Variants in ATP6V1G2 observed in about 807,000 individuals in gnomAD.
ATP6V1G2 encodes ATPase H+ transporting V1 subunit G2, also known as V-type proton ATPase subunit G 2.
In ATP6V1G2, 14 loss-of-function variants were observed where a neutral mutation model predicts 17.8. That is an observed-to-expected ratio of 0.79 (90% CI 0.52 to 1.23). ATP6V1G2 has a LOEUF of 1.23. Ranked by LOEUF, ATP6V1G2 falls within the 50% of genes most tolerant of loss-of-function variation. ATP6V1G2 has a pLI of 0.00. For synonymous variants in ATP6V1G2, 57 were observed against 54.8 expected (o/e 1.04, Z -0.17); for missense variants, 112 against 152.2 (o/e 0.74, Z 1.39).
chr6:31,545,419 TC>T lies in ATP6V1G2; in HGVS notation c.345del (p.Ile116PhefsTer30), dbSNP rs764133123. The stretch of plus-strand genomic sequence containing the variant: ...GCCCTACGGTGGCCCTAGGCAGAAA[TC>T]CGGTAGTTGGGGTGGACCTGGGGCC... ...DVRPQVHPNY[R>X]ISA On this transcript the variant is annotated frameshift_variant, in exon 3 of 3. Transcript: ENST00000303892. LOFTEE classifies it high-confidence loss of function. This position sits in a 1 kb window ranked among gnomAD's most constrained non-coding sequence, Gnocchi z 4.9. 14 of 1,613,648 alleles carry T rather than the reference TC, an allele frequency of 8.7e-6. 1 individual carries two copies. In the South Asian group the frequency reaches 1.5e-4, roughly 18 times the overall value.
In ATP6V1G2 at chr6:31,545,802, C is replaced by T. The variant is rs1768932233; in HGVS notation, c.184-221G>A. The T allele has an allele frequency of 1.6e-6, 1 of 620,904 alleles. No homozygotes were observed. The highest frequency in any genetic ancestry group is 2.8e-6 in the Non-Finnish European group (1 of 355,476). 38.5% of individuals were successfully genotyped at this position (620,904 alleles called of 1,614,324 possible). ...TTCATCCTAAAACAGACCGTAATAT[C>T]CCCACCACCTCACCATCCATGACCA... On this transcript the variant is annotated intron_variant, in intron 2 of 2. Transcript: ENST00000303892. The surrounding 1 kb of genome is among the most constrained non-coding windows in gnomAD (Gnocchi z 4.9).
upstream of ATP6V1G2, chr6:31,546,643 C>G: frequency 7.7e-7 from 1 of 1,293,096 alleles, no homozygotes; most frequent in East Asian, 2.3e-5. The surrounding 1 kb of genome is among the most constrained non-coding windows in gnomAD (Gnocchi z 4.1). Context: ...TCTCCTCCTC[C>G]AGCTCGTTGC....
At position 31,545,517 on chromosome 6, in the gene ATP6V1G2, C is replaced by T; in HGVS notation, c.248G>A (p.Gly83Asp). 3 of 1,614,062 alleles carry T rather than the reference C, an allele frequency of 1.9e-6. No individual in the cohort carries two copies. Among genetic ancestry groups the T allele is most frequent in the Non-Finnish European group, 2.5e-6 (3 of 1,180,002 alleles). ...GTTTCTCTGCTGGGAGCTCTGCATG[C>T]CCTGCACCTGGCGCCTTGTAGCCTG... Reference protein sequence around the residue: ...VEQATRRQVQGMQSSQQRNRE... With the variant: ...VEQATRRQVQDMQSSQQRNRE... Residue 83 changes from glycine (G) to aspartate (D), a missense_variant, in exon 3 of 3, where the codon GGC becomes GAC. Coordinates refer to ENST00000303892, the MANE Select transcript of ATP6V1G2 (RefSeq NM_130463.4). The surrounding 1 kb of genome is among the most constrained non-coding windows in gnomAD (Gnocchi z 4.9).
In ATP6V1G2 at chr6:31,546,262, G is replaced by A; in HGVS notation, c.83-53C>T. On this transcript the variant is annotated intron_variant, in intron 1 of 2. Transcript: ENST00000303892. This position sits in a 1 kb window ranked among gnomAD's most constrained non-coding sequence, Gnocchi z 4.1. ...GGGGATGGACCCACACACACACAAT[G>A]TAATAGCAGGAGTCAGTCCCTTCCA... 6.6e-7 allele frequency: 1 copy of A among 1,512,758 alleles called. No individual in the cohort carries two copies. The highest frequency in any genetic ancestry group is 9.2e-7 in the Non-Finnish European group (1 of 1,090,672). The allele number at this position is 1,512,758 out of a possible 1,614,324, so 93.7% of individuals were successfully genotyped here.
Position 31,545,055 on chromosome 6 carries a change from T to C in ATP6V1G2, c.*353A>G, listed in dbSNP as rs987551279. Reference sequence around the variant, plus strand: ...CATCGAGGCTACCAAGTTAAGTAGCTTGTCCTGGTTTCACAGCCAGCAAGT... The same window carrying C: ...CATCGAGGCTACCAAGTTAAGTAGCCTGTCCTGGTTTCACAGCCAGCAAGT... On this transcript the variant is annotated 3_prime_UTR_variant, in exon 3 of 3. Transcript: ENST00000303892. This position sits in a 1 kb window ranked among gnomAD's most constrained non-coding sequence, Gnocchi z 4.9. 7.0e-6 allele frequency: 3 copies of C among 429,610 alleles called. No homozygotes were observed. Among genetic ancestry groups the C allele is most frequent in the Admixed American group, 3.8e-5 (1 of 26,078 alleles). 26.6% of individuals were successfully genotyped at this position (429,610 alleles called of 1,614,324 possible).
rs1768803510 is a variant in ATP6V1G2 at position 31,544,555 on chromosome 6, G to A, written c.*853C>T. On this transcript the variant is annotated 3_prime_UTR_variant, in exon 3 of 3. Coordinates refer to ENST00000303892, the MANE Select transcript of ATP6V1G2 (RefSeq NM_130463.4). ...ATATAGAAAGGAAGGGCATGCATATGAGGGAACACAGTATCATTTTAGATC... is the reference window on the plus strand; with the variant it reads ...ATATAGAAAGGAAGGGCATGCATATAAGGGAACACAGTATCATTTTAGATC... The A allele has an allele frequency of 2.8e-6, 1 of 360,790 alleles. No homozygotes were observed. Among genetic ancestry groups the A allele is most frequent in the African/African-American group, 2.1e-5 (1 of 46,850 alleles). 22.3% of individuals were successfully genotyped at this position (360,790 alleles called of 1,614,324 possible).
At chr6:31,546,634 C>T, upstream of ATP6V1G2, 1 of 1,380,168 alleles carries the variant, frequency 7.2e-7, no homozygotes, top group Non-Finnish European at 1.0e-6. The surrounding 1 kb of genome is among the most constrained non-coding windows in gnomAD (Gnocchi z 4.1). Context: ...CCGCTTACTT[C>T]TCCTCCTCCA....
At position 31,545,288 on chromosome 6, in the gene ATP6V1G2, C is replaced by T. The variant is rs1303177607; in HGVS notation, c.*120G>A. The T allele has an allele frequency of 8.2e-7, 1 of 1,217,876 alleles. No homozygotes were observed. Among genetic ancestry groups the T allele is most frequent in the Non-Finnish European group, 1.1e-6 (1 of 881,282 alleles). The allele number at this position is 1,217,876 out of a possible 1,614,324, so 75.4% of individuals were successfully genotyped here. A position where few individuals can be genotyped will look rare whatever the true frequency, so the allele number is the denominator to read the frequency against. On this transcript the variant is annotated 3_prime_UTR_variant, in exon 3 of 3. Coordinates refer to ENST00000303892, the MANE Select transcript of ATP6V1G2 (RefSeq NM_130463.4). The surrounding 1 kb of genome is among the most constrained non-coding windows in gnomAD (Gnocchi z 4.9). The stretch of plus-strand genomic sequence containing the variant: ...AGTGTCACAGGAAAATTATTGGATC[C>T]TGCCTCCCAGGATTTCTAGGGGATG...
rs1413146160 is a variant in ATP6V1G2 at position 31,545,665 on chromosome 6, GAAAC to G, written c.184-88_184-85del. 2.6e-5 allele frequency: 37 copies of G among 1,440,106 alleles called. No individual in the cohort carries two copies. Among genetic ancestry groups the G allele is most frequent in the Non-Finnish European group, 3.4e-5 (37 of 1,074,642 alleles). 89.2% of individuals were successfully genotyped at this position (1,440,106 alleles called of 1,614,324 possible). On this transcript the variant is annotated intron_variant, in intron 2 of 2. Transcript: ENST00000303892. This position sits in a 1 kb window ranked among gnomAD's most constrained non-coding sequence, Gnocchi z 4.9. ...CCAGGCATATGAGGGGAAAGATCCT[GAAAC>G]AAAGCCTAGAAGAAAGGCCCTCTCA... is the stretch of plus-strand genomic sequence containing the variant.
Position 31,545,367 on chromosome 6 carries a change from A to T in ATP6V1G2, c.*41T>A. 6.3e-7 allele frequency: 1 copy of T among 1,591,084 alleles called. No individual in the cohort carries two copies. The highest frequency in any genetic ancestry group is 1.1e-5 in the South Asian group (1 of 88,800). On this transcript the variant is annotated 3_prime_UTR_variant, in exon 3 of 3. Coordinates refer to ENST00000303892, the MANE Select transcript of ATP6V1G2 (RefSeq NM_130463.4). This position sits in a 1 kb window ranked among gnomAD's most constrained non-coding sequence, Gnocchi z 4.9. ...TGATTTTGATTGGAGGATTTCTTTG[A>T]GGGAGGGAACTGGCAGAAGGAGTCA...
upstream of ATP6V1G2, chr6:31,546,715 G>C: frequency 3.1e-6 from 2 of 644,454 alleles, no homozygotes; most frequent in Non-Finnish European, 5.5e-6. The surrounding 1 kb of genome is among the most constrained non-coding windows in gnomAD (Gnocchi z 4.1). Context: ...CCTGCACCGA[G>C]TGTCTCTCCC....
chr6:31,546,396 C>T lies in ATP6V1G2; in HGVS notation c.82+82G>A. On this transcript the variant is annotated intron_variant, in intron 1 of 2. Coordinates refer to ENST00000303892, the MANE Select transcript of ATP6V1G2 (RefSeq NM_130463.4). The surrounding 1 kb of genome is among the most constrained non-coding windows in gnomAD (Gnocchi z 4.1). ...CCCTAGCTGTCTGTCTTCCCGCCAG[C>T]CTTGGGTTTTCCCAAAATGTTTGCT... 1.4e-6 allele frequency: 2 copies of T among 1,451,302 alleles called. No homozygotes were observed. The highest frequency in any genetic ancestry group is 1.9e-6 in the Non-Finnish European group (2 of 1,047,860). The allele number at this position is 1,451,302 out of a possible 1,614,324, so 89.9% of individuals were successfully genotyped here.
Position 31,545,252 on chromosome 6 carries a change from G to A in ATP6V1G2, c.*156C>T, listed in dbSNP as rs564508267. 83 of 861,532 alleles carry A rather than the reference G, an allele frequency of 9.6e-5. No homozygotes were observed. In the South Asian group the frequency reaches 1.1e-3, roughly 11 times the overall value. The allele number at this position is 861,532 out of a possible 1,614,324, so 53.4% of individuals were successfully genotyped here. A position where few individuals can be genotyped will look rare whatever the true frequency, so the allele number is the denominator to read the frequency against. On this transcript the variant is annotated 3_prime_UTR_variant, in exon 3 of 3. Transcript: ENST00000303892. This position sits in a 1 kb window ranked among gnomAD's most constrained non-coding sequence, Gnocchi z 4.9. ...CAACAAGGAGATTCAGATGTGAGCA[G>A]GATATTTATAAGTGTCACAGGAAAA...
chr6:31,546,017 C>G lies in ATP6V1G2; in HGVS notation c.183+92G>C. 7.8e-7 allele frequency: 1 copy of G among 1,284,780 alleles called. No individual in the cohort carries two copies. The highest frequency in any genetic ancestry group is 1.7e-5 in the Admixed American group (1 of 59,340). The allele number at this position is 1,284,780 out of a possible 1,614,324, so 79.6% of individuals were successfully genotyped here. A position where few individuals can be genotyped will look rare whatever the true frequency, so the allele number is the denominator to read the frequency against. On this transcript the variant is annotated intron_variant, in intron 2 of 2. Transcript: ENST00000303892. This position sits in a 1 kb window ranked among gnomAD's most constrained non-coding sequence, Gnocchi z 4.1. ...TCCCCTCAGCCTCAGCCCTCTGCCA[C>G]CATATTTTCTTGTTGAGTCACCCTT...
Position 31,545,899 on chromosome 6 carries a change from A to AT in ATP6V1G2, c.183+209dup. On this transcript the variant is annotated intron_variant, in intron 2 of 2. Transcript: ENST00000303892. This position sits in a 1 kb window ranked among gnomAD's most constrained non-coding sequence, Gnocchi z 4.9. ...TGTTATACTTTACACAGACTGTGGC[A>AT]TTCCGCCCACAAGCTCTATGTGGCC... is the stretch of plus-strand genomic sequence containing the variant. 1 of 621,540 alleles carries AT rather than the reference A, an allele frequency of 1.6e-6. No homozygotes were observed. 38.5% of individuals were successfully genotyped at this position (621,540 alleles called of 1,614,324 possible).
rs201901212 is a variant in ATP6V1G2, at chr6:31,546,170, T to C, written c.122A>G (p.Gln41Arg). ...RRLKQAKEEA[Q>R]MEVEQYRRER... is the part of the protein sequence containing the mutation. ...TCTGCGGTATTGCTCCACCTCCATC[T>C]GTGCCTCCTCCTTTGCCTGCTTCAG... is the stretch of plus-strand genomic sequence containing the variant. Residue 41 changes from glutamine to arginine, a missense_variant, in exon 2 of 3, where the codon CAG (glutamine) becomes CGG (arginine). Transcript: ENST00000303892. The surrounding 1 kb of genome is among the most constrained non-coding windows in gnomAD (Gnocchi z 4.1). The C allele has an allele frequency of 2.7e-5, 44 of 1,614,124 alleles. No homozygotes were observed. In the Admixed American group the frequency reaches 4.2e-4, roughly 15 times the overall value.
chr6:31,546,594 GT>G lies in ATP6V1G2; in HGVS notation c.-36del. The G allele has an allele frequency of 6.3e-7, 1 of 1,594,734 alleles. No homozygotes were observed. Among genetic ancestry groups the G allele is most frequent in the Non-Finnish European group, 8.6e-7 (1 of 1,164,806 alleles). ...TATGGCCGATGCTGTTTTGAATGCT[GT>G]CAAAGTACCAGATGGCTCCCACCCC... On this transcript the variant is annotated 5_prime_UTR_variant, in exon 1 of 3. Coordinates refer to ENST00000303892, the MANE Select transcript of ATP6V1G2 (RefSeq NM_130463.4). The surrounding 1 kb of genome is among the most constrained non-coding windows in gnomAD (Gnocchi z 4.1).
In ATP6V1G2 at chr6:31,546,000, G is replaced by A. The variant is rs1185684261; in HGVS notation, c.183+109C>T. 4 of 1,095,740 alleles carry A rather than the reference G, an allele frequency of 3.7e-6. No homozygotes were observed. The highest frequency in any genetic ancestry group is 5.6e-6 in the Non-Finnish European group (4 of 714,742). The allele number at this position is 1,095,740 out of a possible 1,614,324, so 67.9% of individuals were successfully genotyped here. ...TGTGGTCCCTGCCAGGGTCCCCTCA[G>A]CCTCAGCCCTCTGCCACCATATTTT... On this transcript the variant is annotated intron_variant, in intron 2 of 2. Transcript: ENST00000303892. The surrounding 1 kb of genome is among the most constrained non-coding windows in gnomAD (Gnocchi z 4.9).
chr6:31,546,503 A>C lies in ATP6V1G2; in HGVS notation c.57T>G (p.Ala19=), dbSNP rs1037157589. 3.1e-6 allele frequency: 5 copies of C among 1,613,830 alleles called. No homozygotes were observed. The East Asian group carries it at 1.1e-4, about 36-fold the overall frequency. Residue 19 remains alanine (A), a synonymous_variant, in exon 1 of 3, where the codon GCT becomes GCG. Transcript: ENST00000303892. This position sits in a 1 kb window ranked among gnomAD's most constrained non-coding sequence, Gnocchi z 4.1. The part of the protein sequence containing the change: ...QQLLQAEKRA[A]EKVADARKRK... Reference sequence around the variant, plus strand: ...TCTTTCTGGCATCTGCCACCTTCTCAGCTGCCCGCTTCTCAGCTTGCAGAA... The same window carrying C: ...TCTTTCTGGCATCTGCCACCTTCTCCGCTGCCCGCTTCTCAGCTTGCAGAA...
Sources: allele counts gnomAD v4.1 joint callset, GRCh38; gene constraint gnomAD v4.1.1; non-coding constraint Gnocchi (gnomAD v3.1); transcripts MANE v1.5; gene names NCBI Gene and HGNC (gene_info 2026-07-23, HGNC 2026-07-21).